The following UPF1 variants were observed in gnomAD, a reference collection of about 807,000 sequenced individuals.
UPF1 encodes the protein UPF1 RNA helicase and ATPase, also known as regulator of nonsense transcripts 1.
UPF1 carries 9 observed loss-of-function variants against 129.2 expected under a neutral mutation model. That is an observed-to-expected ratio of 0.07 (90% CI 0.04 to 0.12). The LOEUF (loss-of-function observed/expected upper bound fraction) is 0.12, where lower values mean the gene tolerates loss of function less well. UPF1 is among the 10% of genes least tolerant of loss of function. UPF1 has a pLI of 1.00. For synonymous variants in UPF1, 649 were observed against 644.9 expected, an observed-to-expected ratio of 1.01 and a Z score of -0.10; for missense variants, 788 against 1,525.3, an observed-to-expected ratio of 0.52 and a Z score of 8.05.
At position 18,864,193 on chromosome 19, in the gene UPF1, C is replaced by T. The variant is rs2055813660; in HGVS notation, c.2799C>T (p.Ala933=). ...INPGARFMTT[A]MYDAREAIIP... is the part of the protein sequence containing the mutation. ...AGGGAGCCCGCTTCATGACCACAGC[C>T]ATGTATGATGCCCGGGAGGCCATCA... The change falls in exon 20 of 24, where the codon GCC becomes GCT. Residue 933 remains alanine (A), a synonymous_variant. Transcript: ENST00000262803. 1.2e-6 allele frequency: 2 copies of T among 1,613,868 alleles called. No homozygotes were observed. The highest frequency in any genetic ancestry group is 1.7e-5 in the Admixed American group (1 of 59,996).
chr19:18,833,712 G>T (rs920743154), intron 1 of UPF1, among the ~76,000 whole-genome samples: 3 of 152,106 alleles, frequency 2.0e-5, no homozygotes, highest in Non-Finnish European at 4.4e-5. Flanking sequence ...AAGAAGCTCC[G>T]AGGCTTACCT....
At chr19:18,841,952 T>C (rs187189675) in intron 1 of UPF1, among the ~76,000 whole-genome samples, 14 of 152,224 alleles carry the variant, frequency 9.2e-5, no homozygotes, top group African/African-American at 3.1e-4. Flanking sequence ...TAAAAAACTT[T>C]CTAGGCATTG....
chr19:18,834,574 T>C (rs1288106392), intron 1 of UPF1, among the ~76,000 whole-genome samples: 4 of 152,212 alleles, frequency 2.6e-5, no homozygotes, highest in Non-Finnish European at 4.4e-5. Context: ...GGGTTTGTCC[T>C]GTGCTACTTG....
chr19:18,860,246 A>G (rs2055763214), intron 15 of UPF1, 75 bp from the exon 16 acceptor site: 3 of 1,472,728 alleles, frequency 2.0e-6, no homozygotes, highest in South Asian at 1.2e-5. Context: ...CGTAGCAACT[A>G]CATTGCCCTG....
In UPF1 at chr19:18,832,186, C is replaced by G. The variant is rs770227379; in HGVS notation, c.-24C>G. 8 of 1,526,282 alleles carry G rather than the reference C, an allele frequency of 5.2e-6. No individual in the cohort carries two copies. The highest frequency in any genetic ancestry group is 2.0e-5 in the Admixed American group (1 of 50,908). The allele number at this position is 1,526,282 out of a possible 1,614,324, so 94.5% of individuals were successfully genotyped here. On this transcript the variant is annotated 5_prime_UTR_variant, in exon 1 of 24. Coordinates refer to ENST00000262803, the MANE Select transcript of UPF1 (RefSeq NM_002911.4). This position sits in a 1 kb window ranked among gnomAD's most constrained non-coding sequence, Gnocchi z 5.6. ...GGCTCGAGTGCAGCGCGGAACCGGC[C>G]CGAGGGCCCTACCCGGAGGCACCAT...
At chr19:18,862,429 G>A (rs1258761859) in intron 18 of UPF1, among the ~76,000 whole-genome samples, 1 of 152,098 alleles carries the variant, frequency 6.6e-6, no homozygotes, top group Non-Finnish European at 1.5e-5. Flanking sequence ...AATCTGAGAG[G>A]CTGTAAGTTT....
At position 18,832,200 on chromosome 19, in the gene UPF1, C is replaced by T; in HGVS notation, c.-10C>T. 1 of 1,534,790 alleles carries T rather than the reference C, an allele frequency of 6.5e-7. No homozygotes were observed. Among genetic ancestry groups the T allele is most frequent in the Non-Finnish European group, 8.8e-7 (1 of 1,139,502 alleles). On this transcript the variant is annotated 5_prime_UTR_variant, in exon 1 of 24. Coordinates refer to ENST00000262803, the MANE Select transcript of UPF1 (RefSeq NM_002911.4). The surrounding 1 kb of genome is among the most constrained non-coding windows in gnomAD (Gnocchi z 5.6). Reference sequence around the variant, plus strand: ...GCGGAACCGGCCCGAGGGCCCTACCCGGAGGCACCATGAGCGTGGAGGCGT... The same window carrying T: ...GCGGAACCGGCCCGAGGGCCCTACCTGGAGGCACCATGAGCGTGGAGGCGT...
In UPF1 at chr19:18,832,330, C is replaced by A. The variant is rs1429628130; in HGVS notation, c.121C>A (p.Pro41Thr). Residue 41 changes from proline to threonine, a missense_variant, in exon 1 of 24, where the codon CCT becomes ACT. Pro to Thr is a conservative substitution (Grantham distance 38). Coordinates refer to ENST00000262803, the MANE Select transcript of UPF1 (RefSeq NM_002911.4). This position sits in a 1 kb window ranked among gnomAD's most constrained non-coding sequence, Gnocchi z 5.6. Reference protein sequence around the residue: ...SEFEFTDFTLPSQTQTPPGGP... With the variant: ...SEFEFTDFTLTSQTQTPPGGP... ...GTTCGAGTTCACCGACTTTACTCTT[C>A]CTAGCCAGACGCAGACGCCCCCCGG... 2 of 1,459,264 alleles carry A rather than the reference C, an allele frequency of 1.4e-6. No individual in the cohort carries two copies. Among genetic ancestry groups the A allele is most frequent in the East Asian group, 3.0e-5 (1 of 33,832 alleles). The allele number at this position is 1,459,264 out of a possible 1,614,324, so 90.4% of individuals were successfully genotyped here.
At chr19:18,861,126 G>C in intron 17 of UPF1, 144 bp downstream of exon 17, 2 of 1,145,526 alleles carry the variant, frequency 1.7e-6, no homozygotes, top group Non-Finnish European at 2.4e-6. Flanking sequence ...ACCCTCTGGG[G>C]AGGGCACAGA....
At position 18,860,338 on chromosome 19, in the gene UPF1, G is replaced by C. The variant is rs758616235; in HGVS notation, c.2200G>C (p.Gly734Arg). 1 of 1,614,132 alleles carries C rather than the reference G, an allele frequency of 6.2e-7. No individual in the cohort carries two copies. The highest frequency in any genetic ancestry group is 1.7e-5 in the Admixed American group (1 of 60,030). Residue 734 changes from glycine (G) to arginine (R), a missense_variant, in exon 16 of 24, where the codon GGA (glycine) becomes CGA (arginine). By Grantham distance (125) the Gly-to-Arg change is moderately radical. This residue lies in a region of UPF1 where 140 missense variants were observed against 385.9 expected (regional missense o/e 0.36). Transcript: ENST00000262803. ...CCTCACAGCGGATCGTGTGAAGAAG[G>C]GATTTGACTTCCAGTGGCCCCAACC... ...GVTAADRVKK[G>R]FDFQWPQPDK...
intron 1 of UPF1, among the ~76,000 whole-genome samples, chr19:18,840,924 G>T (rs565127585): frequency 2.6e-5 from 4 of 152,202 alleles, no homozygotes; most frequent in African/African-American, 9.7e-5. Flanking sequence ...AAGGTGGCTC[G>T]TTGGGCTCTA....
intron 14 of UPF1, 129 bp downstream of exon 14, chr19:18,857,149 G>T (rs757698384): frequency 3.3e-6 from 5 of 1,501,552 alleles, no homozygotes; most frequent in Non-Finnish European, 4.5e-6. Context: ...CTCCCTGAGG[G>T]GTTTATAGAG....
intron 8 of UPF1, 50 bp from the exon 9 acceptor site, chr19:18,854,551 A>C: frequency 6.7e-7 from 1 of 1,503,622 alleles, no homozygotes; most frequent in Non-Finnish European, 9.1e-7. Context: ...GGTGGCCCAG[A>C]AAGGTCAGCC....
At chr19:18,856,819 C>T in intron 13 of UPF1, 58 bp from the exon 14 acceptor site, 1 of 1,552,000 alleles carries the variant, frequency 6.4e-7, no homozygotes, top group Non-Finnish European at 8.7e-7. Flanking sequence ...CACCTGCCCT[C>T]CGGGGTCTGG....
Position 18,850,331 on chromosome 19 carries a change from C to T in UPF1, c.629+89C>T. On this transcript the variant is annotated intron_variant, in intron 4 of 23. Coordinates refer to ENST00000262803, the MANE Select transcript of UPF1 (RefSeq NM_002911.4). The surrounding 1 kb of genome is among the most constrained non-coding windows in gnomAD (Gnocchi z 7.1). ...TTGGCCCAGCCCAGCCCAGCCGTGGCTCTAACTCCAGGGAGTTGTCCTCCA... is the reference window on the plus strand; with the variant it reads ...TTGGCCCAGCCCAGCCCAGCCGTGGTTCTAACTCCAGGGAGTTGTCCTCCA... 1 of 1,484,362 alleles carries T rather than the reference C, an allele frequency of 6.7e-7. No homozygotes were observed. The highest frequency in any genetic ancestry group is 9.0e-7 in the Non-Finnish European group (1 of 1,113,664). The allele number at this position is 1,484,362 out of a possible 1,614,324, so 91.9% of individuals were successfully genotyped here. A position where few individuals can be genotyped will look rare whatever the true frequency, so the allele number is the denominator to read the frequency against.
Position 18,865,882 on chromosome 19 carries a change from C to A in UPF1, c.3237+104C>A. 1 of 1,571,846 alleles carries A rather than the reference C, an allele frequency of 6.4e-7. No individual in the cohort carries two copies. The highest frequency in any genetic ancestry group is 8.6e-7 in the Non-Finnish European group (1 of 1,156,926). ...AGAGAGCTGGCCTGGCCCATGTCCACTGTCTGAATTACCTGTCCCTGGGCT... is the reference window on the plus strand; with the variant it reads ...AGAGAGCTGGCCTGGCCCATGTCCAATGTCTGAATTACCTGTCCCTGGGCT... On this transcript the variant is annotated intron_variant, in intron 22 of 23. Coordinates refer to ENST00000262803, the MANE Select transcript of UPF1 (RefSeq NM_002911.4). This position sits in a 1 kb window ranked among gnomAD's most constrained non-coding sequence, Gnocchi z 6.1.
chr19:18,865,512 C>G lies in UPF1; in HGVS notation c.3020-49C>G. The G allele has an allele frequency of 6.2e-7, 1 of 1,612,542 alleles. No individual in the cohort carries two copies. Among genetic ancestry groups the G allele is most frequent in the Non-Finnish European group, 8.5e-7 (1 of 1,178,986 alleles). The stretch of plus-strand genomic sequence containing the variant: ...TGAGAGCTCTTGAGGGTGTGCTTGT[C>G]TGCGAGGCCCTGGCCTCCTTCGGAT... On this transcript the variant is annotated intron_variant, in intron 21 of 23. Coordinates refer to ENST00000262803, the MANE Select transcript of UPF1 (RefSeq NM_002911.4). The surrounding 1 kb of genome is among the most constrained non-coding windows in gnomAD (Gnocchi z 6.1).
At chr19:18,854,436 G>T (rs1337923975) in intron 8 of UPF1, among the ~76,000 whole-genome samples, 165 bp from the exon 9 acceptor site, 2 of 152,214 alleles carry the variant, frequency 1.3e-5, no homozygotes, top group Non-Finnish European at 2.9e-5. Flanking sequence ...TGTCCTTCTG[G>T]TCTCTGGTCT....
rs561316158 is a variant in UPF1 at position 18,855,246 on chromosome 19, G to C, written c.1544+4G>C. ...ACCTGGCCCGGCAAGGCAACGGGTA[G>C]GGCTGACACGGCCCTTGCGGGCAAG... On this transcript the variant is annotated splice_donor_region_variant and intron_variant, in intron 11 of 23. Coordinates refer to ENST00000262803, the MANE Select transcript of UPF1 (RefSeq NM_002911.4). 6 of 1,609,084 alleles carry C rather than the reference G, an allele frequency of 3.7e-6. No homozygotes were observed. The African/African-American group carries it at 6.7e-5, about 18-fold the overall frequency.
Sources: allele counts gnomAD v4.1 joint callset (sites outside exome capture counted in the v4.1 genomes callset), GRCh38; gene constraint gnomAD v4.1.1; regional missense constraint gnomAD v4.1.1; non-coding constraint Gnocchi (gnomAD v3.1); transcripts MANE v1.5; gene names NCBI Gene and HGNC (gene_info 2026-07-23, HGNC 2026-07-21).